The following CAMK2D variants were observed in gnomAD, a reference collection of about 807,000 sequenced individuals.
CAMK2D encodes calcium/calmodulin dependent protein kinase II delta.
In CAMK2D, 37 loss-of-function variants were observed where a neutral mutation model predicts 84.0. The ratio of observed to expected loss-of-function variants is 0.44; its 90% CI spans 0.34 to 0.58. The LOEUF (loss-of-function observed/expected upper bound fraction) is 0.58. Ranked by LOEUF, CAMK2D falls within the 20% of genes least tolerant of loss-of-function variation. The probability of loss-of-function intolerance (pLI) is 0.02; values close to 1 mark genes in which losing one functional copy is unlikely to be tolerated. For missense variants in CAMK2D, 448 were observed against 652.5 expected (o/e 0.69, Z 3.41); for synonymous variants, 202 against 212.5 (o/e 0.95, Z 0.43).
chr4:113,451,046 T>C lies in CAMK2D; in HGVS notation c.*3499A>G, dbSNP rs1039342610. Reference sequence around the variant, plus strand: ...GCCATGAAAGGTTCATAGAAGTCAGTAGAATTTTATTCAATGAAATCACTC... The same window carrying C: ...GCCATGAAAGGTTCATAGAAGTCAGCAGAATTTTATTCAATGAAATCACTC... On this transcript the variant is annotated 3_prime_UTR_variant, in exon 21 of 21. Transcript: ENST00000511664. The C allele has an allele frequency of 5.3e-5, 8 of 152,212 alleles. No individual in the cohort carries two copies. Among genetic ancestry groups the C allele is most frequent in the African/African-American group, 1.4e-4 (6 of 41,446 alleles). The allele number at this position is 152,212 out of a possible 1,614,324, so 9.4% of individuals were successfully genotyped here.
Position 113,715,569 on chromosome 4 carries a change from A to T in CAMK2D, c.160+43751T>A, listed in dbSNP as rs78775632. Among the ~76,000 whole-genome samples, 175 of 152,270 alleles carry T rather than the reference A, an allele frequency of 1.1e-3. 2 individuals are homozygous for T. In the East Asian group the frequency reaches 0.03, roughly 26 times the overall value. On this transcript the variant is annotated intron_variant, in intron 2 of 20. Coordinates refer to ENST00000511664, the MANE Select transcript of CAMK2D (RefSeq NM_001321571.2). ...TTAGGTTTTTAGATAACATTCCTCA[A>T]TTAATTTCTATGGAGCATTCTCATC...
At chr4:113,474,583 T>TA (rs1354848525) in intron 16 of CAMK2D, among the ~76,000 whole-genome samples, 1 of 144,262 alleles carries the variant, frequency 6.9e-6, no homozygotes, top group African/African-American at 2.5e-5. Flanking sequence ...CTAACTCTGC[T>TA]AATCAATTTT....
chr4:113,750,116 A>G lies in CAMK2D; in HGVS notation c.160+9204T>C, dbSNP rs116270561. 1.1e-3 allele frequency among the ~76,000 whole-genome samples: 172 copies of G among 152,364 alleles called. 1 individual carries two copies. The highest frequency in any genetic ancestry group is 4.0e-3 in the African/African-American group (166 of 41,592). On this transcript the variant is annotated intron_variant, in intron 2 of 20. Coordinates refer to ENST00000511664, the MANE Select transcript of CAMK2D (RefSeq NM_001321571.2). ...GAAGGCCACAACATGTATGACTGCA[A>G]TACAAAGGGAGAAATCTGGCAAGCT...
intron 16 of CAMK2D, among the ~76,000 whole-genome samples, chr4:113,493,816 A>G (rs911280180): frequency 6.6e-6 from 1 of 151,482 alleles, no homozygotes; most frequent in East Asian, 1.9e-4. Flanking sequence ...ACATAGTCCC[A>G]TATTTCTTGG....
intron 2 of CAMK2D, among the ~76,000 whole-genome samples, chr4:113,706,164 C>T (rs577202856): frequency 1.3e-5 from 2 of 152,302 alleles, no homozygotes; most frequent in South Asian, 4.1e-4. Context: ...GAAAAGCTAA[C>T]ATCTATCAAG....
intron 3 of CAMK2D, among the ~76,000 whole-genome samples, chr4:113,654,396 A>C (rs1157378017): frequency 6.6e-6 from 1 of 152,088 alleles, no homozygotes; most frequent in Non-Finnish European, 1.5e-5. Flanking sequence ...TGAAACAATA[A>C]ATCATCTTTA....
chr4:113,721,650 A>T (rs145553690), intron 2 of CAMK2D, among the ~76,000 whole-genome samples: 19 of 152,318 alleles, frequency 1.2e-4, no homozygotes, highest in South Asian at 4.1e-4. Flanking sequence ...ACAGATACAC[A>T]AGCCTCTTCA....
intron 3 of CAMK2D, among the ~76,000 whole-genome samples, chr4:113,640,350 G>A (rs1229211346): frequency 2.0e-5 from 3 of 152,136 alleles, no homozygotes; most frequent in Non-Finnish European, 4.4e-5. Context: ...GGGAATTCAC[G>A]AAGGAGATTA....
intron 6 of CAMK2D, among the ~76,000 whole-genome samples, chr4:113,539,741 G>C (rs1263346406): frequency 3.9e-5 from 6 of 152,160 alleles, no homozygotes; most frequent in African/African-American, 1.2e-4. Flanking sequence ...TAGAAGAAAA[G>C]GCAGGGTTAT....
At chr4:113,479,464 G>A (rs2154126652) in intron 16 of CAMK2D, among the ~76,000 whole-genome samples, 1 of 152,258 alleles carries the variant, frequency 6.6e-6, no homozygotes, top group East Asian at 1.9e-4. Context: ...CAGAATTAAT[G>A]TAGAAACCTC....
chr4:113,668,933 T>C (rs1279112644), intron 2 of CAMK2D, among the ~76,000 whole-genome samples: 4 of 152,166 alleles, frequency 2.6e-5, no homozygotes, highest in African/African-American at 9.6e-5. Flanking sequence ...CATAAAATTG[T>C]TTAAGAGGGA....
intron 2 of CAMK2D, among the ~76,000 whole-genome samples, chr4:113,707,832 C>T (rs1978139): frequency 0.71 from 107,947 of 152,034 alleles, 39,355 homozygotes; most frequent in African/African-American, 0.87. Flanking sequence ...TAGAAGGAGA[C>T]TGTAACAGTA....
chr4:113,537,247 TTTTCCATTTTATTTTCAC>T, intron 7 of CAMK2D, 76 bp downstream of exon 7: 1 of 650,812 alleles, frequency 1.5e-6, no homozygotes, highest in Non-Finnish European at 2.7e-6. Flanking sequence ...TAGGATGAAG[TTTTCCATTTTATTTTCAC>T]TAGGAAGTGG....
chr4:113,546,336 C>CT (rs1018368146), intron 6 of CAMK2D, among the ~76,000 whole-genome samples: 6 of 152,158 alleles, frequency 3.9e-5, no homozygotes, highest in Non-Finnish European at 8.8e-5. Flanking sequence ...AAACACACTG[C>CT]TTTTGCTTTA....
intron 3 of CAMK2D, among the ~76,000 whole-genome samples, chr4:113,636,221 C>T (rs1226899538): frequency 6.6e-6 from 1 of 152,196 alleles, no homozygotes; most frequent in Non-Finnish European, 1.5e-5. Flanking sequence ...TGGATTTATC[C>T]TTGACCTCTC....
intron 2 of CAMK2D, among the ~76,000 whole-genome samples, chr4:113,710,643 T>C (rs2099489327): frequency 6.6e-6 from 1 of 152,224 alleles, no homozygotes; most frequent in African/African-American, 2.4e-5. Flanking sequence ...TTAGATCTTG[T>C]GTGTGGCTGC....
At chr4:113,673,706 G>T (rs1471089612) in intron 2 of CAMK2D, among the ~76,000 whole-genome samples, 1 of 152,262 alleles carries the variant, frequency 6.6e-6, no homozygotes, top group Non-Finnish European at 1.5e-5. Flanking sequence ...GTGAGTGGGA[G>T]AGGAAGTCAG....
intron 3 of CAMK2D, among the ~76,000 whole-genome samples, chr4:113,632,453 C>T (rs1201693503): frequency 1.3e-5 from 2 of 151,916 alleles, no homozygotes; most frequent in African/African-American, 4.8e-5. Flanking sequence ...GAACTCCTGA[C>T]CTCAGGTGAT....
chr4:113,687,562 A>G (rs2214457), intron 2 of CAMK2D, among the ~76,000 whole-genome samples: 10,808 of 152,238 alleles, frequency 0.071, 491 homozygotes, highest in African/African-American at 0.13. Flanking sequence ...AAGTCAGACA[A>G]AGGGTAGTAA....
Sources: gnomAD v4.1 joint callset for allele counts (sites outside exome capture counted in the v4.1 genomes callset) on GRCh38, gnomAD v4.1.1 for gene constraint, MANE v1.5 for transcripts, NCBI Gene and HGNC (gene_info 2026-07-23, HGNC 2026-07-21) for gene names.